The following ATP11C variants were observed in gnomAD, a reference collection of about 807,000 sequenced individuals.
ATP11C encodes phospholipid-transporting ATPase IG.
A neutral mutation model predicts 97.4 loss-of-function variants in ATP11C; 36 were observed. The ratio of observed to expected loss-of-function variants is 0.37; its 90% CI spans 0.28 to 0.49. The LOEUF is 0.49. Among genes scored for constraint, ATP11C ranks in the 20% least tolerant of loss-of-function variants. The pLI is 0.98. For missense variants in ATP11C, 730 were observed against 824.6 expected (o/e 0.89, Z 1.40); for synonymous variants, 275 against 290.9 (o/e 0.95, Z 0.56).
intron 1 of ATP11C, among the ~76,000 whole-genome samples, chrX:139,878,618 G>C (rs1043289984): frequency 3.6e-5 from 4 of 111,668 alleles, no homozygotes; most frequent in African/African-American, 9.8e-5. Context: ...ATAGAAGCAA[G>C]TGTAAAATGC....
chrX:139,840,609 C>T (rs2083813910), intron 1 of ATP11C, among the ~76,000 whole-genome samples: 1 of 111,838 alleles, frequency 8.9e-6, no homozygotes, highest in African/African-American at 3.3e-5. Flanking sequence ...CATATCCTGC[C>T]ATAAAATACA....
intron 27 of ATP11C, among the ~76,000 whole-genome samples, chrX:139,739,597 T>A (rs950698307): frequency 1.8e-5 from 2 of 111,914 alleles, no homozygotes; most frequent in African/African-American, 6.5e-5. Context: ...AAAAAATAGA[T>A]TAACATTTCA....
chrX:139,784,886 G>C (rs2082540912), intron 16 of ATP11C, among the ~76,000 whole-genome samples: 2 of 111,152 alleles, frequency 1.8e-5, no homozygotes, highest in Non-Finnish European at 3.8e-5. Flanking sequence ...ACTATGCTGG[G>C]TGGCTGCATG....
intron 10 of ATP11C, 21 bp from the exon 11 acceptor site, chrX:139,797,347 G>A (rs762191375): frequency 1.1e-5 from 12 of 1,115,132 alleles, no homozygotes; most frequent in South Asian, 2.1e-5. Context: ...AGATAGCATG[G>A]ATTTTAAAAC....
intron 18 of ATP11C, among the ~76,000 whole-genome samples, chrX:139,781,121 T>C (rs1450063104): frequency 2.7e-5 from 3 of 111,570 alleles, no homozygotes; most frequent in Non-Finnish European, 3.8e-5. Context: ...TCATCCTGAA[T>C]GTGAATTTAA....
chrX:139,758,446 C>T (rs779525041), intron 22 of ATP11C, among the ~76,000 whole-genome samples: 47 of 111,548 alleles, frequency 4.2e-4, no homozygotes, highest in African/African-American at 3.3e-5. Context: ...GCCCCTCCCC[C>T]GAGGCTGCAC....
Position 139,843,401 on chromosome X carries a change from A to T in ATP11C, c.28-16578T>A, listed in dbSNP as rs181277577. Among the ~76,000 whole-genome samples, 4 of 112,154 alleles carry T rather than the reference A, an allele frequency of 3.6e-5. No homozygotes were observed. The East Asian group carries it at 1.1e-3, about 31-fold the overall frequency. ...AGAGTATCATTTAGAGTCATTTGAG[A>T]TCACCAAGGGTCATCAAGTTATGTA... On this transcript the variant is annotated intron_variant, in intron 1 of 29. Transcript: ENST00000682941.
intron 22 of ATP11C, among the ~76,000 whole-genome samples, chrX:139,760,115 GA>G (rs1490802502): frequency 8.9e-6 from 1 of 112,039 alleles, no homozygotes; most frequent in African/African-American, 3.3e-5. Flanking sequence ...ATCTATGGTG[GA>G]ACATCTAGCT....
intron 18 of ATP11C, among the ~76,000 whole-genome samples, chrX:139,782,308 C>T (rs1335604318): frequency 1.9e-5 from 2 of 103,084 alleles, no homozygotes; most frequent in East Asian, 6.1e-4. Flanking sequence ...GCCTGGGCGA[C>T]AGAGCGAGAC....
intron 8 of ATP11C, 55 bp from the exon 9 acceptor site, chrX:139,798,798 T>G: frequency 5.0e-6 from 5 of 997,659 alleles, no homozygotes; most frequent in Non-Finnish European, 5.6e-6. Context: ...TCAACAACTC[T>G]GGGGACAGAT....
chrX:139,876,175 C>CA (rs955751415), intron 1 of ATP11C, among the ~76,000 whole-genome samples: 3 of 111,501 alleles, frequency 2.7e-5, no homozygotes, highest in Non-Finnish European at 3.8e-5. Context: ...CTCACCCCCA[C>CA]AAAAACAATA....
intron 23 of ATP11C, among the ~76,000 whole-genome samples, chrX:139,751,011 T>C (rs758376893): frequency 8.9e-6 from 1 of 112,440 alleles, no homozygotes; most frequent in Non-Finnish European, 1.9e-5. Context: ...CCCATACTCA[T>C]ATGTATTTTT....
intron 1 of ATP11C, among the ~76,000 whole-genome samples, chrX:139,890,257 G>A (rs942431458): frequency 1.8e-5 from 2 of 111,329 alleles, no homozygotes; most frequent in African/African-American, 6.5e-5. Context: ...GTGGTTTTGT[G>A]TGGTGGTTCA....
In ATP11C at chrX:139,783,282, C is replaced by T; in HGVS notation, c.1667-15G>A. On this transcript the variant is annotated splice_polypyrimidine_tract_variant and intron_variant, in intron 16 of 29. Transcript: ENST00000682941. ...AAGTATGTCTCCTAAAATAAAGAAC[C>T]ATAGTACTTGACTTAGAATTTTAAG... 8.9e-7 allele frequency: 1 copy of T among 1,125,183 alleles called. No homozygotes were observed. Among genetic ancestry groups the T allele is most frequent in the Non-Finnish European group, 1.2e-6 (1 of 823,046 alleles). The allele number at this position is 1,125,183 out of a possible 1,213,427, so 92.7% of individuals were successfully genotyped here.
intron 1 of ATP11C, among the ~76,000 whole-genome samples, chrX:139,879,780 G>A (rs780295992): frequency 1.8e-5 from 2 of 112,029 alleles, no homozygotes; most frequent in Non-Finnish European, 3.8e-5. Context: ...CTTTGGCATA[G>A]AGGCAACTGG....
chrX:139,888,960 G>A (rs1429877003), intron 1 of ATP11C, among the ~76,000 whole-genome samples: 1 of 110,157 alleles, frequency 9.1e-6, no homozygotes, highest in Admixed American at 9.7e-5. Flanking sequence ...GGCACACACC[G>A]CCACACACAG....
intron 18 of ATP11C, among the ~76,000 whole-genome samples, chrX:139,779,162 G>A (rs895298782): frequency 9.0e-6 from 1 of 111,619 alleles, no homozygotes; most frequent in African/African-American, 3.3e-5. Context: ...CCCAATGATA[G>A]CACAAGACAG....
intron 1 of ATP11C, among the ~76,000 whole-genome samples, chrX:139,914,573 A>G (rs769843632): frequency 8.9e-6 from 1 of 112,366 alleles, no homozygotes; most frequent in African/African-American, 3.2e-5. Context: ...TAACATTTGA[A>G]TCAGAAGACT....
chrX:139,743,027 A>G (rs1359530604), intron 26 of ATP11C, among the ~76,000 whole-genome samples: 1 of 107,765 alleles, frequency 9.3e-6, no homozygotes, highest in Admixed American at 1.0e-4. Context: ...TGAGCCACCA[A>G]CCTGGCCATC....
Sources: gnomAD v4.1 joint callset for allele counts (sites outside exome capture counted in the v4.1 genomes callset) on GRCh38, gnomAD v4.1.1 for gene constraint, MANE v1.5 for transcripts, NCBI Gene and HGNC (gene_info 2026-07-23, HGNC 2026-07-21) for gene names.